HRH1: variants seen among roughly 807,000 people sequenced by gnomAD.
HRH1 encodes the protein histamine H1 receptor.
A neutral mutation model predicts 10.3 loss-of-function variants in HRH1; 6 were observed. That is an observed-to-expected ratio of 0.58 (90% confidence interval 0.32 to 1.15). The LOEUF is 1.15. Among genes scored for constraint, HRH1 ranks in the 50% most tolerant of loss-of-function variants. The pLI, the probability that HRH1 is intolerant of heterozygous loss-of-function variation, is 0.05. For missense variants in HRH1, 514 were observed against 615.3 expected (o/e 0.84, Z 1.74); for synonymous variants, 242 against 236.7 (o/e 1.02, Z -0.21).
chr3:11,253,261 G>C (rs1167986780), intron 1 of HRH1: 2 of 152,152 alleles, frequency 1.3e-5, no homozygotes, highest in Non-Finnish European at 2.9e-5. Flanking sequence ...ATTTACCAAG[G>C]GCTGTTGGTG....
At chr3:11,235,036 A>G (rs1174341539) in intron 1 of HRH1, among the ~76,000 whole-genome samples, 1 of 152,082 alleles carries the variant, frequency 6.6e-6, no homozygotes, top group African/African-American at 2.4e-5. Flanking sequence ...TAACACAGTG[A>G]AACCCCATCT....
At chr3:11,137,334 T>A (rs978449016) in exon 1 of HRH1, 4 of 152,268 alleles carry the variant, frequency 2.6e-5, no homozygotes, top group Non-Finnish European at 4.4e-5. Flanking sequence ...CGTGCACTGA[T>A]GGAGAAATGA....
intron 1 of HRH1, among the ~76,000 whole-genome samples, chr3:11,257,079 C>T (rs1442333542): frequency 6.6e-6 from 1 of 150,776 alleles, no homozygotes; most frequent in African/African-American, 2.4e-5. Flanking sequence ...ATGGTGAAAC[C>T]CCTTCTCTAC....
chr3:11,214,216 G>A (rs558437368), intron 1 of HRH1, among the ~76,000 whole-genome samples: 4 of 152,210 alleles, frequency 2.6e-5, no homozygotes, highest in African/African-American at 7.2e-5. Context: ...GAGGCTGGTC[G>A]GTGCTTTCCA....
At chr3:11,226,515 G>A (rs1938886682) in intron 1 of HRH1, 2 of 152,242 alleles carry the variant, frequency 1.3e-5, no homozygotes, top group African/African-American at 2.4e-5. Context: ...TTGCCTCTTT[G>A]AGAGTCTTCA....
chr3:11,176,578 C>T (rs1477127078), intron 1 of HRH1, among the ~76,000 whole-genome samples: 10 of 152,188 alleles, frequency 6.6e-5, no homozygotes, highest in Non-Finnish European at 1.5e-5. Context: ...CAGGTATGGC[C>T]TACTAGCGGA....
intron 1 of HRH1, among the ~76,000 whole-genome samples, chr3:11,188,615 C>A (rs896379421): frequency 3.9e-5 from 6 of 152,114 alleles, no homozygotes; most frequent in Non-Finnish European, 8.8e-5. Context: ...ACGTGCATTA[C>A]AATTCTATTT....
chr3:11,160,761 A>G lies in HRH1; in HGVS notation c.-36+6207A>G, dbSNP rs576500485. 2.3e-4 allele frequency among the ~76,000 whole-genome samples: 35 copies of G among 152,332 alleles called. 1 individual carries two copies. The South Asian group carries it at 7.2e-3, about 32-fold the overall frequency. ...ACGTAACCTGGAAACCCAGTCATTG[A>G]CAGTAGATCTCTTTCTGAACTGTCT... On this transcript the variant is annotated intron_variant, in intron 1 of 1. Transcript: ENST00000431010.
intron 1 of HRH1, among the ~76,000 whole-genome samples, chr3:11,164,728 C>G (rs778034244): frequency 3.3e-5 from 5 of 152,134 alleles, no homozygotes; most frequent in South Asian, 2.1e-4. Context: ...TTCTGTCAAC[C>G]CTGCTTCCTT....
intron 1 of HRH1, among the ~76,000 whole-genome samples, chr3:11,181,419 C>T (rs1474873642): frequency 6.6e-6 from 1 of 152,146 alleles, no homozygotes; most frequent in African/African-American, 2.4e-5. Flanking sequence ...TACAATCCCA[C>T]CAGCAAGGTG....
At chr3:11,211,774 C>T (rs1938334597) in intron 1 of HRH1, among the ~76,000 whole-genome samples, 1 of 152,210 alleles carries the variant, frequency 6.6e-6, no homozygotes, top group Admixed American at 6.5e-5. Flanking sequence ...AAATGTGCCT[C>T]CCTGTGGTCT....
At chr3:11,254,768 A>T (rs1391717972) in intron 1 of HRH1, among the ~76,000 whole-genome samples, 1 of 152,240 alleles carries the variant, frequency 6.6e-6, no homozygotes, top group Non-Finnish European at 1.5e-5. Flanking sequence ...AACAGCACAT[A>T]GGCAGAAAAT....
At chr3:11,205,092 G>A (rs1285671565) in intron 1 of HRH1, among the ~76,000 whole-genome samples, 2 of 152,186 alleles carry the variant, frequency 1.3e-5, no homozygotes, top group Non-Finnish European at 2.9e-5. Context: ...AAGCAATTTC[G>A]CCAGTGACAC....
upstream of HRH1, among the ~76,000 whole-genome samples, chr3:11,154,239 G>A (rs1936721708): frequency 6.6e-6 from 1 of 152,146 alleles, no homozygotes; most frequent in African/African-American, 2.4e-5. This position sits in a 1 kb window ranked among gnomAD's most constrained non-coding sequence, Gnocchi z 4.4. Flanking sequence ...CCGAGCCCGG[G>A]TACCCAGCGG....
intron 1 of HRH1, among the ~76,000 whole-genome samples, chr3:11,248,798 A>G (rs1331615126): frequency 2.0e-5 from 3 of 152,188 alleles, no homozygotes; most frequent in Non-Finnish European, 4.4e-5. Context: ...GCAGTGGAAG[A>G]ATCTTGCATG....
At chr3:11,228,689 G>A (rs900898920) in intron 1 of HRH1, among the ~76,000 whole-genome samples, 10 of 152,064 alleles carry the variant, frequency 6.6e-5, no homozygotes, top group Admixed American at 5.2e-4. Flanking sequence ...GGCCGAGATG[G>A]GTGGATCACC....
intron 1 of HRH1, among the ~76,000 whole-genome samples, chr3:11,242,914 CT>C (rs113202543): frequency 0.026 from 3,901 of 149,116 alleles, 166 homozygotes; most frequent in African/African-American, 0.087. Flanking sequence ...TTGGGTCTCT[CT>C]TTTTTTTTTC....
At chr3:11,240,517 A>C (rs1241994142) in intron 1 of HRH1, among the ~76,000 whole-genome samples, 1 of 151,906 alleles carries the variant, frequency 6.6e-6, no homozygotes, top group Non-Finnish European at 1.5e-5. Flanking sequence ...TGTTCTTAGT[A>C]GCTTTTCTTC....
intron 1 of HRH1, among the ~76,000 whole-genome samples, chr3:11,156,333 G>C (rs1936794026): frequency 6.6e-6 from 1 of 152,190 alleles, no homozygotes. Flanking sequence ...CCTGCCAAGA[G>C]ACCCTGCACC....
Sources: gnomAD v4.1 joint callset for allele counts (sites outside exome capture counted in the v4.1 genomes callset) on GRCh38, gnomAD v4.1.1 for gene constraint, Gnocchi (gnomAD v3.1) non-coding constraint, MANE v1.5 for transcripts, NCBI Gene and HGNC (gene_info 2026-07-23, HGNC 2026-07-21) for gene names.